The following CCDC85C variants were observed in gnomAD, a reference collection of about 807,000 sequenced individuals.
The protein encoded by CCDC85C is coiled-coil domain containing 85C.
CCDC85C carries 18 observed loss-of-function variants against 38.3 expected under a neutral mutation model. The observed-to-expected ratio is 0.47, with a 90% CI of 0.33 to 0.70. The LOEUF (loss-of-function observed/expected upper bound fraction) is 0.70. CCDC85C is among the 30% of genes least tolerant of loss of function. The pLI is 0.03. For missense variants in CCDC85C, 566 were observed against 621.2 expected (o/e 0.91, Z 0.94); for synonymous variants, 264 against 293.8 (o/e 0.90, Z 1.04).
chr14:99,502,472 G>T lies in CCDC85C; in HGVS notation c.*12774C>A, dbSNP rs935234333. On this transcript the variant is annotated 3_prime_UTR_variant, in exon 6 of 6. Coordinates refer to ENST00000380243, the MANE Select transcript of CCDC85C (RefSeq NM_001144995.2). ...TCCCAAGAATGGATTTTCCCAGATA[G>T]ACATATGTGAGCAATATTTCAGAAG... 6.8e-7 allele frequency: 1 copy of T among 1,480,920 alleles called. No homozygotes were observed. Among genetic ancestry groups the T allele is most frequent in the Admixed American group, 2.5e-5 (1 of 40,736 alleles). The allele number at this position is 1,480,920 out of a possible 1,614,324, so 91.7% of individuals were successfully genotyped here.
chr14:99,547,851 C>T (rs1566769300), intron 1 of CCDC85C, among the ~76,000 whole-genome samples: 2 of 151,400 alleles, frequency 1.3e-5, no homozygotes, highest in African/African-American at 2.4e-5. Context: ...TGTATATACA[C>T]ATATATATAT....
At chr14:99,596,066 C>G (rs1257212494) in intron 1 of CCDC85C, among the ~76,000 whole-genome samples, 1 of 152,218 alleles carries the variant, frequency 6.6e-6, no homozygotes, top group Non-Finnish European at 1.5e-5. Context: ...ACCCATGTGG[C>G]TGGCCCTGGG....
At chr14:99,567,475 C>T (rs1473148140) in intron 1 of CCDC85C, among the ~76,000 whole-genome samples, 2 of 152,166 alleles carry the variant, frequency 1.3e-5, no homozygotes, top group African/African-American at 4.8e-5. Context: ...TTCTCACCAG[C>T]AGGAGGGACC....
chr14:99,542,286 C>G (rs1427592851), intron 1 of CCDC85C, among the ~76,000 whole-genome samples: 2 of 152,204 alleles, frequency 1.3e-5, no homozygotes, highest in Non-Finnish European at 2.9e-5. Flanking sequence ...CAAAGGTGCA[C>G]CAAGTAACAG....
Position 99,503,223 on chromosome 14 carries a change from A to T in CCDC85C, c.*12023T>A. 1 of 675,844 alleles carries T rather than the reference A, an allele frequency of 1.5e-6. No individual in the cohort carries two copies. Among genetic ancestry groups the T allele is most frequent in the Non-Finnish European group, 2.7e-6 (1 of 373,808 alleles). 41.9% of individuals were successfully genotyped at this position (675,844 alleles called of 1,614,324 possible). On this transcript the variant is annotated 3_prime_UTR_variant, in exon 6 of 6. Coordinates refer to ENST00000380243, the MANE Select transcript of CCDC85C (RefSeq NM_001144995.2). ...CGGCTCCAGCCCTGCTGCCTGTTTCATCCCTGCCAGGGTTCTGAAGCCTGT... is the reference window on the plus strand; with the variant it reads ...CGGCTCCAGCCCTGCTGCCTGTTTCTTCCCTGCCAGGGTTCTGAAGCCTGT...
intron 1 of CCDC85C, among the ~76,000 whole-genome samples, chr14:99,571,300 AGAGCTACTG>A (rs1898336416): frequency 6.6e-6 from 1 of 152,038 alleles, no homozygotes; most frequent in African/African-American, 2.4e-5. Context: ...CCTGCCTGCC[AGAGCTACTG>A]GAACAGGCAC....
At position 99,507,140 on chromosome 14, in the gene CCDC85C, A is replaced by C. The variant is rs1195644548; in HGVS notation, c.*8106T>G. On this transcript the variant is annotated 3_prime_UTR_variant, in exon 6 of 6. Coordinates refer to ENST00000380243, the MANE Select transcript of CCDC85C (RefSeq NM_001144995.2). The stretch of plus-strand genomic sequence containing the variant: ...ATCCACCGTTGCCTCCAGCCCACCC[A>C]CCTCCAGGTAAGCATCTGCTGAAGC... 3 of 1,601,102 alleles carry C rather than the reference A, an allele frequency of 1.9e-6. No individual in the cohort carries two copies. Among genetic ancestry groups the C allele is most frequent in the Non-Finnish European group, 2.6e-6 (3 of 1,168,384 alleles).
In CCDC85C at chr14:99,588,102, C is replaced by G. The variant is rs1321117174; in HGVS notation, c.793+15065G>C. ...TCCTGGGCCGGATTCCCCACTGGGT[C>G]TGTCGTCCCCAGTTCCTCCAGCTGC... On this transcript the variant is annotated intron_variant, in intron 1 of 5. Coordinates refer to ENST00000380243, the MANE Select transcript of CCDC85C (RefSeq NM_001144995.2). This position sits in a 1 kb window ranked among gnomAD's most constrained non-coding sequence, Gnocchi z 5.0. 5.9e-5 allele frequency among the ~76,000 whole-genome samples: 9 copies of G among 152,166 alleles called. No individual in the cohort carries two copies. The highest frequency in any genetic ancestry group is 2.0e-4 in the Admixed American group (3 of 15,288).
intron 1 of CCDC85C, among the ~76,000 whole-genome samples, chr14:99,599,427 G>T (rs2055176603): frequency 6.6e-6 from 1 of 152,108 alleles, no homozygotes; most frequent in Non-Finnish European, 1.5e-5. Context: ...ACAGGCGGAG[G>T]GGCAGCTGGA....
chr14:99,575,714 C>T (rs898758184), intron 1 of CCDC85C, among the ~76,000 whole-genome samples: 3 of 152,220 alleles, frequency 2.0e-5, no homozygotes, highest in Non-Finnish European at 4.4e-5. Flanking sequence ...GGTCACCCCT[C>T]TCCAGGCTTC....
chr14:99,523,758 C>T (rs1208494715), intron 2 of CCDC85C, among the ~76,000 whole-genome samples: 1 of 151,654 alleles, frequency 6.6e-6, no homozygotes, highest in African/African-American at 2.4e-5. Flanking sequence ...TTTTAGATAA[C>T]CCTGGCGAGC....
At position 99,572,401 on chromosome 14, in the gene CCDC85C, A is replaced by G. The variant is rs1168864568; in HGVS notation, c.793+30766T>C. 6.6e-6 allele frequency among the ~76,000 whole-genome samples: 1 copy of G among 152,148 alleles called. No individual in the cohort carries two copies. Among genetic ancestry groups the G allele is most frequent in the Non-Finnish European group, 1.5e-5 (1 of 68,016 alleles). Reference sequence around the variant, plus strand: ...CTGCGGGCTAGTGTCTCAGCCTGCAATCCCGGCTCCCACCCCCACCCCAAG... The same window carrying G: ...CTGCGGGCTAGTGTCTCAGCCTGCAGTCCCGGCTCCCACCCCCACCCCAAG... On this transcript the variant is annotated intron_variant, in intron 1 of 5. Coordinates refer to ENST00000380243, the MANE Select transcript of CCDC85C (RefSeq NM_001144995.2). The surrounding 1 kb of genome is among the most constrained non-coding windows in gnomAD (Gnocchi z 4.4).
intron 1 of CCDC85C, among the ~76,000 whole-genome samples, chr14:99,536,469 G>A (rs1432833534): frequency 1.3e-5 from 2 of 152,206 alleles, no homozygotes; most frequent in Non-Finnish European, 2.9e-5. Context: ...AGATGCTGCA[G>A]GCTCAAATGG....
rs951712716 is a variant in CCDC85C, at chr14:99,603,849, G to A, written c.111C>T (p.Arg37=). The change falls in exon 1 of 6, where the codon CGC becomes CGT. Residue 37 remains arginine (R), a synonymous_variant. Coordinates refer to ENST00000380243, the MANE Select transcript of CCDC85C (RefSeq NM_001144995.2). This position sits in a 1 kb window ranked among gnomAD's most constrained non-coding sequence, Gnocchi z 7.5. Reference sequence around the variant, plus strand: ...TGAGGCCCACCTTCTCGCCCTCGGCGCGCCGCAGCCGCCGCGCCAGCTCCT... The same window carrying A: ...TGAGGCCCACCTTCTCGCCCTCGGCACGCCGCAGCCGCCGCGCCAGCTCCT... The part of the protein sequence containing the change: ...SKEELARRLR[R]AEGEKVGLML... 2.0e-6 allele frequency: 3 copies of A among 1,517,188 alleles called. No individual in the cohort carries two copies. The African/African-American group carries it at 4.3e-5, about 22-fold the overall frequency. The allele number at this position is 1,517,188 out of a possible 1,614,324, so 94.0% of individuals were successfully genotyped here.
intron 1 of CCDC85C, chr14:99,580,203 C>G (rs549175116): frequency 3.5e-4 from 155 of 440,922 alleles, no homozygotes; most frequent in Non-Finnish European, 5.9e-4. Flanking sequence ...GGTGTGGCCC[C>G]GGAGCTCGGC....
In CCDC85C at chr14:99,516,604, G is replaced by A. The variant is rs921742113; in HGVS notation, c.1072-318C>T. ...CTGGAGATGAGTGGGCACTCGCCAC[G>A]TGGAGGGGGTGTGAGTAGGCGTGGC... On this transcript the variant is annotated intron_variant, in intron 4 of 5. Transcript: ENST00000380243. The surrounding 1 kb of genome is among the most constrained non-coding windows in gnomAD (Gnocchi z 5.5). 2.6e-5 allele frequency among the ~76,000 whole-genome samples: 4 copies of A among 152,164 alleles called. No homozygotes were observed. The highest frequency in any genetic ancestry group is 1.9e-4 in the East Asian group (1 of 5,190).
Position 99,503,199 on chromosome 14 carries a change from G to T in CCDC85C, c.*12047C>A. ...AGAACCAGGAGGGGGCTCTCTGCCC[G>T]GCTCCAGCCCTGCTGCCTGTTTCAT... On this transcript the variant is annotated 3_prime_UTR_variant, in exon 6 of 6. Coordinates refer to ENST00000380243, the MANE Select transcript of CCDC85C (RefSeq NM_001144995.2). 2 of 702,098 alleles carry T rather than the reference G, an allele frequency of 2.8e-6. No homozygotes were observed. Among genetic ancestry groups the T allele is most frequent in the Non-Finnish European group, 5.1e-6 (2 of 389,838 alleles). 43.5% of individuals were successfully genotyped at this position (702,098 alleles called of 1,614,324 possible). A position where few individuals can be genotyped will look rare whatever the true frequency, so the allele number is the denominator to read the frequency against.
chr14:99,510,829 C>G lies in CCDC85C; in HGVS notation c.*4417G>C, dbSNP rs750853717. 5 of 1,375,774 alleles carry G rather than the reference C, an allele frequency of 3.6e-6. No homozygotes were observed. The East Asian group carries it at 1.4e-4, about 37-fold the overall frequency. The allele number at this position is 1,375,774 out of a possible 1,614,324, so 85.2% of individuals were successfully genotyped here. On this transcript the variant is annotated 3_prime_UTR_variant, in exon 6 of 6. Transcript: ENST00000380243. ...TGTTTTTTTAACAAGATTTTCTAAT[C>G]GACTTGCAGAGTAGTTGAAGTGGGT...
In CCDC85C at chr14:99,504,961, A is replaced by C. The variant is rs905911071; in HGVS notation, c.*10285T>G. On this transcript the variant is annotated 3_prime_UTR_variant, in exon 6 of 6. Transcript: ENST00000380243. ...TGGAGCAATAAGTTGGAAGTACGCA[A>C]GTGAGCAAAGGAATTGAGAATCAGG... is the stretch of plus-strand genomic sequence containing the variant. The C allele has an allele frequency of 2.0e-5, 3 of 152,362 alleles. No individual in the cohort carries two copies. The highest frequency in any genetic ancestry group is 4.4e-5 in the Non-Finnish European group (3 of 68,118). The allele number at this position is 152,362 out of a possible 1,614,324, so 9.4% of individuals were successfully genotyped here.
Sources: allele counts gnomAD v4.1 joint callset (sites outside exome capture counted in the v4.1 genomes callset), GRCh38; gene constraint gnomAD v4.1.1; non-coding constraint Gnocchi (gnomAD v3.1); transcripts MANE v1.5; gene names NCBI Gene and HGNC (gene_info 2026-07-23, HGNC 2026-07-21).